The following BTBD9 variants were observed in gnomAD, a reference collection of about 807,000 sequenced individuals.
The protein encoded by BTBD9 is BTB domain containing 9, also known as BTB/POZ domain-containing protein 9.
A neutral mutation model predicts 64.3 loss-of-function variants in BTBD9; 49 were observed. That is an observed-to-expected ratio of 0.76 (90% confidence interval 0.61 to 0.97). The LOEUF (loss-of-function observed/expected upper bound fraction) is 0.97, where lower values mean the gene tolerates loss of function less well. BTBD9 is among the 50% of genes least tolerant of loss of function. The pLI is 0.00. For missense variants in BTBD9, 598 were observed against 762.1 expected (o/e 0.78, Z 2.53); for synonymous variants, 260 against 274.7 (o/e 0.95, Z 0.53).
chr6:38,455,337 C>T (rs1769747723), intron 6 of BTBD9, among the ~76,000 whole-genome samples: 1 of 152,104 alleles, frequency 6.6e-6, no homozygotes, highest in Non-Finnish European at 1.5e-5. Context: ...TATCATTTTG[C>T]CTCATTTTTT....
At chr6:38,291,165 A>G (rs539466048) in intron 7 of BTBD9, among the ~76,000 whole-genome samples, 2 of 152,276 alleles carry the variant, frequency 1.3e-5, no homozygotes, top group African/African-American at 4.8e-5. Context: ...TTTTCACCAA[A>G]GTGGTTGTAA....
At chr6:38,366,909 G>C (rs1433656987) in intron 6 of BTBD9, among the ~76,000 whole-genome samples, 1 of 152,200 alleles carries the variant, frequency 6.6e-6, no homozygotes, top group Non-Finnish European at 1.5e-5. Flanking sequence ...GGTTAGGTAA[G>C]GTAAGCACAC....
intron 1 of BTBD9, among the ~76,000 whole-genome samples, chr6:38,602,271 G>A (rs1249721034): frequency 6.6e-6 from 1 of 151,968 alleles, no homozygotes; most frequent in African/African-American, 2.4e-5. Flanking sequence ...ATATATGGAT[G>A]TCAGCTTCAG....
chr6:38,600,350 CT>C (rs1393645386), intron 1 of BTBD9, among the ~76,000 whole-genome samples: 2 of 152,228 alleles, frequency 1.3e-5, no homozygotes, highest in Non-Finnish European at 2.9e-5. Flanking sequence ...TTGCTAGCCC[CT>C]GGCCTACCCC....
At chr6:38,496,209 T>C (rs1771947711) in intron 6 of BTBD9, among the ~76,000 whole-genome samples, 1 of 152,306 alleles carries the variant, frequency 6.6e-6, no homozygotes, top group East Asian at 1.9e-4. Context: ...AGAAAGGGCA[T>C]CCTTCTCAGG....
At chr6:38,331,415 T>C (rs1463689897) in intron 7 of BTBD9, among the ~76,000 whole-genome samples, 2 of 152,042 alleles carry the variant, frequency 1.3e-5, no homozygotes, top group Non-Finnish European at 2.9e-5. Context: ...GGAGTGGAAG[T>C]TGCAGTGAGC....
rs560589422 is a variant in BTBD9, at chr6:38,571,160, G to A, written c.1154+6440C>T. Among the ~76,000 whole-genome samples the A allele has an allele frequency of 1.7e-4, 26 of 152,300 alleles. 1 individual carries two copies. Among genetic ancestry groups the A allele is most frequent in the African/African-American group, 6.3e-4 (26 of 41,560 alleles). On this transcript the variant is annotated intron_variant, in intron 6 of 10. Coordinates refer to ENST00000481247, the MANE Select transcript of BTBD9 (RefSeq NM_001099272.2). ...ATCTGAATAAGGCATTTCTTGAATT[G>A]TGAAGCTCTTCAGTCATAAGAAGAA...
At chr6:38,411,082 A>G (rs923474139) in intron 6 of BTBD9, among the ~76,000 whole-genome samples, 1 of 152,250 alleles carries the variant, frequency 6.6e-6, no homozygotes, top group African/African-American at 2.4e-5. Context: ...AAAAAAGAAC[A>G]TGGCATGAAA....
intron 8 of BTBD9, among the ~76,000 whole-genome samples, chr6:38,283,002 C>A (rs1761578817): frequency 6.6e-6 from 1 of 152,190 alleles, no homozygotes; most frequent in Admixed American, 6.5e-5. Context: ...CCAGTGCCTA[C>A]AATAGTGCCT....
At chr6:38,480,271 C>A (rs1771077049) in intron 6 of BTBD9, among the ~76,000 whole-genome samples, 1 of 152,180 alleles carries the variant, frequency 6.6e-6, no homozygotes, top group African/African-American at 2.4e-5. Flanking sequence ...GGGAGCAATG[C>A]ACTTCCTTTG....
At chr6:38,556,254 T>C (rs916790518) in intron 6 of BTBD9, among the ~76,000 whole-genome samples, 2 of 152,112 alleles carry the variant, frequency 1.3e-5, no homozygotes, top group Admixed American at 6.5e-5. Context: ...CATCATAGTA[T>C]AAATAGACTA....
chr6:38,178,845 T>G, intron 10 of BTBD9, among the ~76,000 whole-genome samples: 1 of 120,348 alleles, frequency 8.3e-6, no homozygotes, highest in South Asian at 2.3e-4. Flanking sequence ...CAAAGGAGGC[T>G]ATTTATTTAT....
At chr6:38,325,638 T>C (rs553187723) in intron 7 of BTBD9, among the ~76,000 whole-genome samples, 1 of 152,150 alleles carries the variant, frequency 6.6e-6, no homozygotes, top group Admixed American at 6.5e-5. Flanking sequence ...TGAGCCAAGA[T>C]CGTGCCACTG....
At chr6:38,428,549 G>C (rs887253394) in intron 6 of BTBD9, among the ~76,000 whole-genome samples, 3 of 151,272 alleles carry the variant, frequency 2.0e-5, no homozygotes, top group Non-Finnish European at 2.9e-5. Context: ...GAAGACACAG[G>C]GTCCATGACT....
At chr6:38,202,928 G>C (rs1762514847) in intron 9 of BTBD9, among the ~76,000 whole-genome samples, 3 of 152,096 alleles carry the variant, frequency 2.0e-5, no homozygotes, top group Non-Finnish European at 4.4e-5. Flanking sequence ...TGTTGAATAG[G>C]AGAAAATACC....
intron 6 of BTBD9, among the ~76,000 whole-genome samples, chr6:38,448,854 C>A (rs1436742585): frequency 6.6e-6 from 1 of 152,186 alleles, no homozygotes. Context: ...AAGGTTATTC[C>A]ATTCAGCCCC....
intron 9 of BTBD9, among the ~76,000 whole-genome samples, chr6:38,236,008 C>T (rs1216700167): frequency 6.6e-6 from 1 of 152,126 alleles, no homozygotes; most frequent in Non-Finnish European, 1.5e-5. Flanking sequence ...AACAGGGCTG[C>T]GTATGGGACA....
intron 6 of BTBD9, among the ~76,000 whole-genome samples, chr6:38,398,066 G>A (rs1004963529): frequency 3.9e-5 from 6 of 152,184 alleles, no homozygotes; most frequent in African/African-American, 1.4e-4. Flanking sequence ...TGGACTTTAT[G>A]CCATAGGTGA....
At chr6:38,633,183 G>A (rs1778418539) in intron 1 of BTBD9, among the ~76,000 whole-genome samples, 1 of 152,142 alleles carries the variant, frequency 6.6e-6, no homozygotes, top group African/African-American at 2.4e-5. Flanking sequence ...CAGTAGAAAT[G>A]AGACTGCATT....
Sources: allele counts gnomAD v4.1 joint callset (sites outside exome capture counted in the v4.1 genomes callset), GRCh38; gene constraint gnomAD v4.1.1; transcripts MANE v1.5; gene names NCBI Gene and HGNC (gene_info 2026-07-23, HGNC 2026-07-21).